The following KCNJ4 variants were observed in gnomAD, a reference collection of about 807,000 sequenced individuals.
KCNJ4 encodes the protein inward rectifier potassium channel 4.
KCNJ4 carries 3 observed loss-of-function variants against 25.6 expected under a neutral mutation model. The ratio of observed to expected loss-of-function variants is 0.12; its 90% confidence interval spans 0.05 to 0.30. The LOEUF (loss-of-function observed/expected upper bound fraction) is 0.30. Ranked by LOEUF, KCNJ4 falls within the 10% of genes least tolerant of loss-of-function variation. KCNJ4 has a pLI of 1.00. For missense variants in KCNJ4, 286 were observed against 666.8 expected (o/e 0.43, Z 6.29); for synonymous variants, 257 against 283.9 (o/e 0.91, Z 0.95).
rs1032998532 is a variant in KCNJ4, at chr22:38,449,931, C to A, written c.-40+5049G>T. ...CTCACCCCTGCTCCCCATGCTGCAC[C>A]CCACCCACCACCCCGTGAGCGCCCG... On this transcript the variant is annotated intron_variant, in intron 1 of 1. Coordinates refer to ENST00000303592, the MANE Select transcript of KCNJ4 (RefSeq NM_152868.3). The surrounding 1 kb of genome is among the most constrained non-coding windows in gnomAD (Gnocchi z 5.2). 2.6e-5 allele frequency among the ~76,000 whole-genome samples: 4 copies of A among 152,224 alleles called. No homozygotes were observed. Among genetic ancestry groups the A allele is most frequent in the African/African-American group, 9.6e-5 (4 of 41,460 alleles).
chr22:38,441,486 C>T (rs928548158), intron 1 of KCNJ4, among the ~76,000 whole-genome samples: 1 of 152,156 alleles, frequency 6.6e-6, no homozygotes, highest in East Asian at 1.9e-4. Flanking sequence ...ATCCCATTGC[C>T]TCATCCTTAG....
intron 1 of KCNJ4, among the ~76,000 whole-genome samples, chr22:38,430,007 A>G (rs997628700): frequency 2.0e-5 from 3 of 152,104 alleles, no homozygotes; most frequent in African/African-American, 4.8e-5. Flanking sequence ...TCCCAAGAGA[A>G]ACTCCCTCTC....
At position 38,427,890 on chromosome 22, in the gene KCNJ4, G is replaced by A. The variant is rs105154; in HGVS notation, c.243C>T (p.Ala81=). ...TGGCCTCCAGGTCACCGTGGAAGAA[G>A]GCGATACACCAGAAGAGGAGGCCGA... The part of the protein sequence containing the change: ...LFFGLLFWCI[A]FFHGDLEASP... The change falls in exon 2 of 2, where the codon GCC becomes GCT. Residue 81 remains alanine (A), a synonymous_variant. Transcript: ENST00000303592. 44,433 of 1,612,118 alleles carry A rather than the reference G, an allele frequency of 0.028. 1,596 individuals are homozygous for A. The highest frequency in any genetic ancestry group is 0.17 in the African/African-American group (12,937 of 75,002).
At chr22:38,435,635 G>C (rs1390055575) in intron 1 of KCNJ4, among the ~76,000 whole-genome samples, 1 of 151,806 alleles carries the variant, frequency 6.6e-6, no homozygotes, top group East Asian at 1.9e-4. Flanking sequence ...AGGGGCTGCA[G>C]TGAGCCAAGA....
intron 1 of KCNJ4, among the ~76,000 whole-genome samples, chr22:38,431,329 G>A (rs1190131947): frequency 2.6e-5 from 4 of 152,244 alleles, no homozygotes; most frequent in African/African-American, 7.2e-5. Context: ...GCATCCCCTC[G>A]CCAGCAGTGC....
intron 1 of KCNJ4, among the ~76,000 whole-genome samples, chr22:38,431,875 C>T (rs1429411225): frequency 6.6e-6 from 1 of 152,090 alleles, no homozygotes; most frequent in Non-Finnish European, 1.5e-5. Context: ...ATGGGGCTTC[C>T]CAGGGAAGGC....
rs756188665 is a variant in KCNJ4 at position 38,436,155 on chromosome 22, CTAA to C, written c.-39-7987_-39-7985del. ...CTGCATGCCCCATCTTTAGGAGAAG[CTAA>C]TAATAGAGCAGACTTCCTAGGACTG... On this transcript the variant is annotated intron_variant, in intron 1 of 1. Coordinates refer to ENST00000303592, the MANE Select transcript of KCNJ4 (RefSeq NM_152868.3). Among the ~76,000 whole-genome samples the C allele has an allele frequency of 2.6e-5, 4 of 152,298 alleles. No homozygotes were observed. In the East Asian group the frequency reaches 5.8e-4, roughly 22 times the overall value.
At position 38,449,946 on chromosome 22, in the gene KCNJ4, G is replaced by A. The variant is rs1160408726; in HGVS notation, c.-40+5034C>T. On this transcript the variant is annotated intron_variant, in intron 1 of 1. Transcript: ENST00000303592. This position sits in a 1 kb window ranked among gnomAD's most constrained non-coding sequence, Gnocchi z 5.2. ...CATGCTGCACCCCACCCACCACCCC[G>A]TGAGCGCCCGTGTGCGCGCCTGCAG... Among the ~76,000 whole-genome samples, 2 of 152,214 alleles carry A rather than the reference G, an allele frequency of 1.3e-5. No homozygotes were observed. Among genetic ancestry groups the A allele is most frequent in the African/African-American group, 2.4e-5 (1 of 41,464 alleles).
chr22:38,437,563 G>A (rs539686256), intron 1 of KCNJ4, among the ~76,000 whole-genome samples: 6 of 152,330 alleles, frequency 3.9e-5, no homozygotes, highest in African/African-American at 7.2e-5. Context: ...CCTTGGACTC[G>A]GCCAGCTTAT....
intron 1 of KCNJ4, among the ~76,000 whole-genome samples, chr22:38,453,897 T>C (rs2089423550): frequency 6.6e-6 from 1 of 152,170 alleles, no homozygotes; most frequent in South Asian, 2.1e-4. Flanking sequence ...GCCAACAGTC[T>C]CTGTTCCCAC....
At chr22:38,450,554 G>C (rs186879789) in intron 1 of KCNJ4, among the ~76,000 whole-genome samples, 1 of 152,164 alleles carries the variant, frequency 6.6e-6, no homozygotes, top group Non-Finnish European at 1.5e-5. Context: ...CCCTAGCTTG[G>C]AGCCAGCCCT....
chr22:38,430,228 T>C (rs1312396441), intron 1 of KCNJ4, among the ~76,000 whole-genome samples: 1 of 152,150 alleles, frequency 6.6e-6, no homozygotes, highest in East Asian at 1.9e-4. Flanking sequence ...GCTGACTGGG[T>C]GCGGTGGCTC....
At chr22:38,445,375 A>G (rs887083161) in intron 1 of KCNJ4, among the ~76,000 whole-genome samples, 4 of 152,194 alleles carry the variant, frequency 2.6e-5, no homozygotes, top group Admixed American at 2.6e-4. Flanking sequence ...CCTGAGCATC[A>G]GAACCTCTAT....
intron 1 of KCNJ4, among the ~76,000 whole-genome samples, chr22:38,430,227 G>A (rs1037696089): frequency 6.6e-6 from 1 of 152,266 alleles, no homozygotes; most frequent in Admixed American, 6.5e-5. Flanking sequence ...GGCTGACTGG[G>A]TGCGGTGGCT....
At chr22:38,439,859 G>C in intron 1 of KCNJ4, among the ~76,000 whole-genome samples, 1 of 148,266 alleles carries the variant, frequency 6.7e-6, no homozygotes, top group South Asian at 2.2e-4. Context: ...GGGAGGCCAA[G>C]GCAGGCAGAT....
At chr22:38,436,828 TCA>T (rs1371604530) in intron 1 of KCNJ4, among the ~76,000 whole-genome samples, 2 of 152,202 alleles carry the variant, frequency 1.3e-5, no homozygotes, top group African/African-American at 4.8e-5. Flanking sequence ...TTGCCCAAGG[TCA>T]CACAGTTTGT....
At chr22:38,430,369 T>C (rs1336714338) in intron 1 of KCNJ4, among the ~76,000 whole-genome samples, 1 of 152,168 alleles carries the variant, frequency 6.6e-6, no homozygotes, top group Non-Finnish European at 1.5e-5. Context: ...CCGGGCATGG[T>C]GGCGTGTGCC....
chr22:38,453,764 CAT>C (rs1275609052), intron 1 of KCNJ4, among the ~76,000 whole-genome samples: 1 of 152,196 alleles, frequency 6.6e-6, no homozygotes, highest in East Asian at 1.9e-4. Flanking sequence ...GAATGGAGGA[CAT>C]ATGAGACCCA....
chr22:38,433,113 C>T (rs554678690), intron 1 of KCNJ4, among the ~76,000 whole-genome samples: 9 of 152,248 alleles, frequency 5.9e-5, no homozygotes, highest in African/African-American at 2.2e-4. Context: ...GAAGAAGTGA[C>T]AATGCTACAC....
Sources: allele counts gnomAD v4.1 joint callset (sites outside exome capture counted in the v4.1 genomes callset), GRCh38; gene constraint gnomAD v4.1.1; non-coding constraint Gnocchi (gnomAD v3.1); transcripts MANE v1.5; gene names NCBI Gene and HGNC (gene_info 2026-07-23, HGNC 2026-07-21).